LRRC37A2: variants seen among roughly 807,000 people sequenced by gnomAD.
LRRC37A2 encodes the protein leucine-rich repeat-containing protein 37A2.
A neutral mutation model predicts 68.8 loss-of-function variants in LRRC37A2; 9 were observed. The ratio of observed to expected loss-of-function variants is 0.13; its 90% CI spans 0.08 to 0.23. The LOEUF (loss-of-function observed/expected upper bound fraction) is 0.23. Among genes scored for constraint, LRRC37A2 ranks in the 10% least tolerant of loss-of-function variants. The pLI, the probability that LRRC37A2 is intolerant of heterozygous loss-of-function variation, is 1.00. For synonymous variants in LRRC37A2, 63 were observed against 367.6 expected (o/e 0.17, Z 9.48); for missense variants, 168 against 950.4 (o/e 0.18, Z 10.82).
the LRRC37A2 span, among the ~76,000 whole-genome samples, chr17:46,749,082 A>G: frequency 1.3e-5 from 2 of 152,328 alleles, no homozygotes; most frequent in African/African-American, 4.8e-5. Context: ...AAAGCTGAAA[A>G]CAAAAATCTA....
At chr17:46,532,944 A>C (rs2053926577) in intron 6 of LRRC37A2, among the ~76,000 whole-genome samples, 1 of 132,936 alleles carries the variant, frequency 7.5e-6, no homozygotes, top group South Asian at 2.6e-4. Flanking sequence ...CTACAAAAAA[A>C]ATGTAAAAGT....
the LRRC37A2 span, among the ~76,000 whole-genome samples, chr17:46,773,237 C>G: frequency 3.9e-5 from 6 of 152,060 alleles, no homozygotes; most frequent in African/African-American, 1.4e-4. Context: ...CTCTTGGGGG[C>G]AACGCAATGC....
At chr17:46,737,685 GTT>G in the LRRC37A2 span, among the ~76,000 whole-genome samples, 1 of 151,968 alleles carries the variant, frequency 6.6e-6, no homozygotes, top group African/African-American at 2.4e-5. Flanking sequence ...GATGCATAGA[GTT>G]AGGTTTTATA....
At chr17:46,605,572 T>C in the LRRC37A2 span, among the ~76,000 whole-genome samples, 1 of 101,390 alleles carries the variant, frequency 9.9e-6, no homozygotes, top group Non-Finnish European at 2.0e-5. Context: ...TCCATATGCT[T>C]AGAGAAAATA....
At chr17:46,823,451 A>AT in the LRRC37A2 span, among the ~76,000 whole-genome samples, 1 of 150,960 alleles carries the variant, frequency 6.6e-6, no homozygotes. Flanking sequence ...CCTGACCTAT[A>AT]TTTTTAAGAC....
the LRRC37A2 span, among the ~76,000 whole-genome samples, chr17:46,758,539 A>G: frequency 6.6e-6 from 1 of 152,192 alleles, no homozygotes. Flanking sequence ...TTTTGTCATA[A>G]GATGTTTTTG....
the LRRC37A2 span, among the ~76,000 whole-genome samples, chr17:46,734,876 G>A: frequency 1.3e-5 from 2 of 152,244 alleles, no homozygotes; most frequent in African/African-American, 4.8e-5. Context: ...AGGCAACATA[G>A]TAAGACCAGT....
chr17:46,703,680 CAAAAAAAAAAAAA>C, the LRRC37A2 span, among the ~76,000 whole-genome samples: 3 of 37,718 alleles, frequency 8.0e-5, no homozygotes, highest in African/African-American at 3.3e-4. Context: ...GACTCCGTCT[CAAAAAAAAAAAAA>C]AAAAAAAAAA....
chr17:46,923,230 C>G, the LRRC37A2 span: 3 of 1,550,800 alleles, frequency 1.9e-6, no homozygotes. Flanking sequence ...AAGTGAGGGC[C>G]GGTCGGGGAG....
At chr17:46,909,966 G>A in the LRRC37A2 span, 1 of 152,480 alleles carries the variant, frequency 6.6e-6, no homozygotes, top group African/African-American at 2.4e-5. Context: ...CTGAGAGTAT[G>A]GCTCCTGAGC....
the LRRC37A2 span, chr17:46,773,674 C>T: frequency 1.5e-6 from 2 of 1,312,684 alleles, no homozygotes; most frequent in South Asian, 2.3e-5. Flanking sequence ...GTACCTTTGT[C>T]GAGGACGGGC....
At chr17:46,967,571 G>T in the LRRC37A2 span, among the ~76,000 whole-genome samples, 2 of 152,300 alleles carry the variant, frequency 1.3e-5, no homozygotes, top group African/African-American at 4.8e-5. Flanking sequence ...AGGAACAGAG[G>T]CATGGAGTGT....
At chr17:46,710,038 C>T in the LRRC37A2 span, among the ~76,000 whole-genome samples, 1 of 152,070 alleles carries the variant, frequency 6.6e-6, no homozygotes, top group Non-Finnish European at 1.5e-5. Context: ...ACAAAAACAG[C>T]TTTATGTGAG....
chr17:47,000,086 T>TAAAATAAAATAAAATAA, the LRRC37A2 span, among the ~76,000 whole-genome samples: 2 of 11,546 alleles, frequency 1.7e-4, no homozygotes, highest in Non-Finnish European at 4.2e-4. Context: ...AAAAATAAAA[T>TAAAATAAAATAAAATAA]AAAATAAAAT....
the LRRC37A2 span, among the ~76,000 whole-genome samples, chr17:46,856,035 A>G: frequency 7.2e-5 from 11 of 152,250 alleles, no homozygotes; most frequent in South Asian, 2.3e-3. Context: ...AACTAGAAAT[A>G]GTTTCTGTGG....
chr17:46,554,074 C>G (rs1276217014), intron 12 of LRRC37A2: 1 of 988,436 alleles, frequency 1.0e-6, no homozygotes, highest in Non-Finnish European at 1.2e-6. Flanking sequence ...GATCCTAGAA[C>G]TGAGGAAACA....
chr17:46,970,825 C>T, the LRRC37A2 span, among the ~76,000 whole-genome samples: 1 of 152,224 alleles, frequency 6.6e-6, no homozygotes, highest in Non-Finnish European at 1.5e-5. Context: ...CCTTTGTCAT[C>T]ATACACTGAT....
chr17:46,968,306 TCTC>T, the LRRC37A2 span, among the ~76,000 whole-genome samples: 1 of 152,086 alleles, frequency 6.6e-6, no homozygotes, highest in Admixed American at 6.5e-5. Flanking sequence ...CCCCTGAACA[TCTC>T]CTCCTGTTTC....
At chr17:46,996,251 A>C in the LRRC37A2 span, among the ~76,000 whole-genome samples, 3 of 152,226 alleles carry the variant, frequency 2.0e-5, no homozygotes, top group Admixed American at 2.0e-4. Context: ...ATTTAAGCAG[A>C]TATTTACCAA....
Sources: gnomAD v4.1 joint callset for allele counts (sites outside exome capture counted in the v4.1 genomes callset) on GRCh38, gnomAD v4.1.1 for gene constraint, MANE v1.5 for transcripts, NCBI Gene and HGNC (gene_info 2026-07-23, HGNC 2026-07-21) for gene names.